TNS2: variants seen among roughly 807,000 people sequenced by gnomAD.
The protein encoded by TNS2 is tensin 2, also known as tensin-2.
TNS2 carries 77 observed loss-of-function variants against 155.7 expected under a neutral mutation model. That is an observed-to-expected ratio of 0.49 (90% CI 0.41 to 0.60). The LOEUF is 0.60. Ranked by LOEUF, TNS2 falls within the 20% of genes least tolerant of loss-of-function variation. The pLI, the probability that TNS2 is intolerant of heterozygous loss-of-function variation, is 0.00. For synonymous variants in TNS2, 726 were observed against 763.9 expected (o/e 0.95, Z 0.82); for missense variants, 1,703 against 1,868.8 (o/e 0.91, Z 1.64).
Position 53,053,420 on chromosome 12 carries a change from G to A in TNS2, c.232G>A (p.Ala78Thr), listed in dbSNP as rs1479210542. The A allele has an allele frequency of 1.9e-6, 3 of 1,613,910 alleles. No individual in the cohort carries two copies. The African/African-American group carries it at 4.0e-5, about 22-fold the overall frequency. Residue 78 changes from alanine to threonine, a missense_variant, in exon 4 of 29, where the codon GCC becomes ACC. By Grantham distance (58) the Ala-to-Thr change is moderately conservative. Coordinates refer to ENST00000314250, the MANE Select transcript of TNS2 (RefSeq NM_170754.4). ...HRKCEAKVTSACQALPPVELR... is the reference protein window; with the variant it reads ...HRKCEAKVTSTCQALPPVELR... ...CTCGGTCCCCTTCCAGGTGACTTCA[G>A]CCTGTCAGGCCTTGCCTCCCGTGGA... is the stretch of plus-strand genomic sequence containing the variant.
In TNS2 at chr12:53,059,038, C is replaced by A. The variant is rs1355157974; in HGVS notation, c.1406-9C>A. 6.5e-7 allele frequency: 1 copy of A among 1,535,910 alleles called. No individual in the cohort carries two copies. The highest frequency in any genetic ancestry group is 8.8e-7 in the Non-Finnish European group (1 of 1,141,928). On this transcript the variant is annotated splice_polypyrimidine_tract_variant and intron_variant, in intron 17 of 28. Coordinates refer to ENST00000314250, the MANE Select transcript of TNS2 (RefSeq NM_170754.4). The surrounding 1 kb of genome is among the most constrained non-coding windows in gnomAD (Gnocchi z 4.7). ...TTGCCCTCCCTCCCTGATCCTCTTC[C>A]CCACTCAGGCTCCTTGACCCACACC... is the stretch of plus-strand genomic sequence containing the variant.
In TNS2 at chr12:53,060,317, G is replaced by C. The variant is rs1231402587; in HGVS notation, c.2617+59G>C. 1 of 1,555,330 alleles carries C rather than the reference G, an allele frequency of 6.4e-7. No homozygotes were observed. The highest frequency in any genetic ancestry group is 8.7e-7 in the Non-Finnish European group (1 of 1,148,726). The stretch of plus-strand genomic sequence containing the variant: ...AGAGGAGGTTCTGGAAGATGGTGGG[G>C]AAGTCAAGGGGGAACAGGGTGAGAA... On this transcript the variant is annotated intron_variant, in intron 18 of 28. Coordinates refer to ENST00000314250, the MANE Select transcript of TNS2 (RefSeq NM_170754.4). The surrounding 1 kb of genome is among the most constrained non-coding windows in gnomAD (Gnocchi z 6.1).
At chr12:53,054,494 A>C in intron 7 of TNS2, 53 bp downstream of exon 7, 1 of 1,390,926 alleles carries the variant, frequency 7.2e-7, no homozygotes, top group South Asian at 1.3e-5. Flanking sequence ...TAGGGTCCAG[A>C]TGGGCGAGGC....
chr12:53,059,215 C>T lies in TNS2; in HGVS notation c.1574C>T (p.Ala525Val). The T allele has an allele frequency of 6.4e-7, 1 of 1,572,526 alleles. No individual in the cohort carries two copies. Residue 525 changes from alanine (A) to valine (V), a missense_variant, in exon 18 of 29, where the codon GCT becomes GTT. By Grantham distance (64) the Ala-to-Val change is moderately conservative (BLOSUM62 0). Transcript: ENST00000314250. The surrounding 1 kb of genome is among the most constrained non-coding windows in gnomAD (Gnocchi z 4.7). ...TCCACGCTGACCACAGAGCCGGCTG[C>T]TGAGTCCCCTGGCCGGCCGCCCCCT... ...HSSTLTTEPA[A>V]ESPGRPPPTA...
Position 53,055,648 on chromosome 12 carries a change from G to T in TNS2, c.654G>T (p.Trp218Cys), listed in dbSNP as rs538446852. The change falls in exon 9 of 29, where the codon TGG becomes TGT. Residue 218 changes from tryptophan to cysteine, a missense_variant. Trp to Cys is a radical substitution (Grantham distance 215, BLOSUM62 -2). Transcript: ENST00000314250. ...LCSICKAMETWLSADPQHVVV... is the reference protein window; with the variant it reads ...LCSICKAMETCLSADPQHVVV... The stretch of plus-strand genomic sequence containing the variant: ...CCATCTGCAAAGCCATGGAGACATG[G>T]CTCAGTGCTGACCCACAGCACGTGG... The T allele has an allele frequency of 5.0e-6, 8 of 1,614,122 alleles. No individual in the cohort carries two copies. In the East Asian group the frequency reaches 1.3e-4, roughly 27 times the overall value.
At position 53,059,526 on chromosome 12, in the gene TNS2, TC is replaced by T. The variant is rs747830036; in HGVS notation, c.1891del (p.Gln631ArgfsTer125). 5 of 1,582,788 alleles carry T rather than the reference TC, an allele frequency of 3.2e-6. No homozygotes were observed. Among genetic ancestry groups the T allele is most frequent in the Non-Finnish European group, 4.3e-6 (5 of 1,166,952 alleles). On this transcript the variant is annotated frameshift_variant, in exon 18 of 29. Coordinates refer to ENST00000314250, the MANE Select transcript of TNS2 (RefSeq NM_170754.4). LOFTEE classifies it high-confidence loss of function. The surrounding 1 kb of genome is among the most constrained non-coding windows in gnomAD (Gnocchi z 4.7). ...RRLAYGGYEGSPQGYAEASME... is the reference protein window; with the variant it reads ...RRLAYGGYEGXPQGYAEASME... ...ACTGGCCTACGGGGGCTATGAGGGA[TC>T]CCCCCAGGGCTACGCCGAGGCCTCG...
chr12:53,052,637 T>A, intron 3 of TNS2, 145 bp downstream of exon 3: 1 of 1,108,926 alleles, frequency 9.0e-7, no homozygotes, highest in Non-Finnish European at 1.3e-6. Flanking sequence ...GGAGGGGTGC[T>A]GTACTGGGCC....
At position 53,063,836 on chromosome 12, in the gene TNS2, C is replaced by T; in HGVS notation, c.4184C>T (p.Ala1395Val). The change falls in exon 29 of 29, where the codon GCC becomes GTC. Residue 1395 changes from alanine to valine, a missense_variant. By Grantham distance (64) the Ala-to-Val change is moderately conservative. Transcript: ENST00000314250. This position sits in a 1 kb window ranked among gnomAD's most constrained non-coding sequence, Gnocchi z 5.6. ...CTTGACCCAGATCAGCCTGCTGGCG[C>T]CATTGTCACCTTCATCACCAAAGTT... ...AELDPDQPAG[A>V]IVTFITKVLL... 3 of 1,614,130 alleles carry T rather than the reference C, an allele frequency of 1.9e-6. No homozygotes were observed. The highest frequency in any genetic ancestry group is 2.7e-5 in the African/African-American group (2 of 75,046).
chr12:53,058,251 T>G, intron 14 of TNS2, 65 bp from the exon 15 acceptor site: 2 of 1,603,742 alleles, frequency 1.2e-6, no homozygotes, highest in Non-Finnish European at 1.7e-6. Flanking sequence ...GACCAGGCAG[T>G]CCCCAGGGTG....
Position 53,061,215 on chromosome 12 carries a change from C to T in TNS2, c.3309C>T (p.His1103=). The change falls in exon 20 of 29, where the codon CAC becomes CAT. Residue 1103 remains histidine (H), a synonymous_variant. Coordinates refer to ENST00000314250, the MANE Select transcript of TNS2 (RefSeq NM_170754.4). ...CATCGCCAGCCAGAGGCATCAGTCA[C>T]CATGTCACCTTCGCACCTCTGCTCT... ...QASSPARGIS[H]HVTFAPLLSD... 2 of 1,575,176 alleles carry T rather than the reference C, an allele frequency of 1.3e-6. No homozygotes were observed. Among genetic ancestry groups the T allele is most frequent in the Non-Finnish European group, 1.7e-6 (2 of 1,160,230 alleles).
At chr12:53,053,237 G>C in intron 3 of TNS2, 174 bp from the exon 4 acceptor site, 1 of 705,038 alleles carries the variant, frequency 1.4e-6, no homozygotes, top group Non-Finnish European at 2.5e-6. Flanking sequence ...CTGGGGGGTG[G>C]GGGACCAAGA....
intron 10 of TNS2, chr12:53,056,100 A>G (rs1340490488): frequency 2.5e-6 from 1 of 402,288 alleles, no homozygotes; most frequent in Non-Finnish European, 4.5e-6. Context: ...TCACGCCTGT[A>G]ATACCAGCAC....
At chr12:53,056,077 C>T (rs533277313) in intron 10 of TNS2, 22 of 480,810 alleles carry the variant, frequency 4.6e-5, no homozygotes, top group Middle Eastern at 1.1e-3. Context: ...GGAAATGGGC[C>T]GGGTGCGTTG....
upstream of TNS2, chr12:53,049,971 A>G: frequency 2.2e-6 from 2 of 905,250 alleles, no homozygotes; most frequent in Non-Finnish European, 3.2e-6. Flanking sequence ...CCTCCCCCAC[A>G]TCCTCCCCCC....
chr12:53,061,585 C>A, intron 21 of TNS2, 116 bp downstream of exon 21: 1 of 1,366,086 alleles, frequency 7.3e-7, no homozygotes, highest in East Asian at 2.4e-5. Context: ...TGTGTTTACT[C>A]TTGGCTGAGT....
At chr12:53,061,643 A>C in intron 21 of TNS2, 172 bp from the exon 22 acceptor site, 3 of 1,363,282 alleles carry the variant, frequency 2.2e-6, no homozygotes, top group Non-Finnish European at 3.0e-6. Flanking sequence ...GGTGAGATCC[A>C]ACATGGTCAA....
At chr12:53,054,962 T>G (rs573204512) in intron 7 of TNS2, among the ~76,000 whole-genome samples, 107 of 151,704 alleles carry the variant, frequency 7.1e-4, no homozygotes, top group African/African-American at 2.5e-3. Context: ...TGTTGTAATT[T>G]TAGTAGAGAT....
chr12:53,053,729 C>T (rs760521458), intron 4 of TNS2, 45 bp from the exon 5 acceptor site: 3 of 1,604,796 alleles, frequency 1.9e-6, no homozygotes, highest in Non-Finnish European at 2.5e-6. Flanking sequence ...GTCCTTGCCC[C>T]TGCTGTAACT....
In TNS2 at chr12:53,052,436, C is replaced by T. The variant is rs1193379202; in HGVS notation, c.185-19C>T. 2 of 1,614,004 alleles carry T rather than the reference C, an allele frequency of 1.2e-6. No individual in the cohort carries two copies. The highest frequency in any genetic ancestry group is 2.2e-5 in the South Asian group (2 of 91,076). On this transcript the variant is annotated intron_variant, in intron 2 of 28. Coordinates refer to ENST00000314250, the MANE Select transcript of TNS2 (RefSeq NM_170754.4). ...CCACAGGCCCCTGCTAACCCCTCTC[C>T]TCCCCTTACCTTCCCTAGTCTGCAA...
Sources: gnomAD v4.1 joint callset for allele counts (sites outside exome capture counted in the v4.1 genomes callset) on GRCh38, gnomAD v4.1.1 for gene constraint, Gnocchi (gnomAD v3.1) non-coding constraint, MANE v1.5 for transcripts, NCBI Gene and HGNC (gene_info 2026-07-23, HGNC 2026-07-21) for gene names.